Variants in CAPN13 observed in about 807,000 individuals in gnomAD.
CAPN13 encodes the protein calpain-13.
Under a neutral mutation model 98.4 loss-of-function variants are expected in CAPN13, and 90 were observed. The observed-to-expected ratio is 0.92, with a 90% CI of 0.77 to 1.09. The LOEUF (loss-of-function observed/expected upper bound fraction) is 1.09. Among genes scored for constraint, CAPN13 ranks in the 50% least tolerant of loss-of-function variants. The probability of loss-of-function intolerance (pLI) is 0.00; values close to 1 mark genes in which losing one functional copy is unlikely to be tolerated. For synonymous variants in CAPN13, 330 were observed against 305.5 expected (o/e 1.08, Z -0.84); for missense variants, 887 against 841.3 (o/e 1.05, Z -0.67).
intron 1 of CAPN13, among the ~76,000 whole-genome samples, chr2:30,802,162 T>C (rs1395327920): frequency 2.6e-5 from 4 of 151,834 alleles, no homozygotes; most frequent in African/African-American, 7.3e-5. Context: ...GGAGCTCTGG[T>C]TGGGGGGTGG....
intron 9 of CAPN13, among the ~76,000 whole-genome samples, chr2:30,754,017 G>C (rs114993662): frequency 3.0e-4 from 46 of 152,282 alleles, no homozygotes; most frequent in African/African-American, 1.1e-3. Context: ...GGAAACCACA[G>C]ATTTCAAGCC....
At chr2:30,768,076 T>G (rs1313661422) in intron 5 of CAPN13, among the ~76,000 whole-genome samples, 1 of 152,222 alleles carries the variant, frequency 6.6e-6, no homozygotes, top group Non-Finnish European at 1.5e-5. Context: ...CTGCTAGCAA[T>G]GATCCCCAGC....
At chr2:30,788,277 A>G (rs933496313) in intron 1 of CAPN13, among the ~76,000 whole-genome samples, 3 of 152,234 alleles carry the variant, frequency 2.0e-5, no homozygotes, top group African/African-American at 7.2e-5. Flanking sequence ...ATGATATTAA[A>G]TAAGTTTTGA....
intron 22 of CAPN13, among the ~76,000 whole-genome samples, chr2:30,730,380 A>G (rs575781830): frequency 6.6e-6 from 1 of 152,298 alleles, no homozygotes; most frequent in Non-Finnish European, 1.5e-5. Flanking sequence ...GACCATTTCT[A>G]CCATTTCTGT....
chr2:30,776,411 C>T (rs916452186), intron 3 of CAPN13, among the ~76,000 whole-genome samples: 1 of 152,098 alleles, frequency 6.6e-6, no homozygotes, highest in Non-Finnish European at 1.5e-5. Flanking sequence ...CAGGGTTTCA[C>T]CATGTTGGCC....
intron 8 of CAPN13, among the ~76,000 whole-genome samples, chr2:30,755,581 G>A (rs915718562): frequency 1.4e-4 from 21 of 152,100 alleles, no homozygotes; most frequent in African/African-American, 4.8e-4. Context: ...GAAGGGAGCA[G>A]CTGCTCCTTC....
intron 1 of CAPN13, among the ~76,000 whole-genome samples, chr2:30,796,643 C>T (rs1307187710): frequency 6.6e-6 from 1 of 152,070 alleles, no homozygotes; most frequent in Non-Finnish European, 1.5e-5. Flanking sequence ...GACTTCAAAA[C>T]CAAGAAGATG....
intron 7 of CAPN13, among the ~76,000 whole-genome samples, chr2:30,761,389 C>T (rs919544851): frequency 4.7e-4 from 72 of 152,296 alleles, no homozygotes; most frequent in African/African-American, 1.7e-3. Flanking sequence ...GGAGCCCAAA[C>T]GGCAGCTGAG....
At chr2:30,740,353 A>G (rs1223894339) in intron 15 of CAPN13, among the ~76,000 whole-genome samples, 4 of 152,194 alleles carry the variant, frequency 2.6e-5, no homozygotes, top group Non-Finnish European at 5.9e-5. Flanking sequence ...TTGGCCTGCC[A>G]AAGTGCTGGG....
chr2:30,728,029 C>A (rs768531124), intron 22 of CAPN13, among the ~76,000 whole-genome samples: 12 of 151,620 alleles, frequency 7.9e-5, no homozygotes, highest in Non-Finnish European at 1.8e-4. Flanking sequence ...GACAGCATTA[C>A]GCTAAGTGAA....
rs142664237 is a variant in CAPN13 at position 30,742,240 on chromosome 2, C to T, written c.1479+86G>A. ...CTCTCTTTTCATTGGTTGGGGGCAG[C>T]GGGAGGTGTAAAGAAGGAGACGGAA... On this transcript the variant is annotated intron_variant, in intron 14 of 22. Transcript: ENST00000295055. 1,401 of 1,430,086 alleles carry T rather than the reference C, an allele frequency of 9.8e-4. 15 individuals are homozygous for T. In the African/African-American group the frequency reaches 0.016, roughly 16 times the overall value. 88.6% of individuals were successfully genotyped at this position (1,430,086 alleles called of 1,614,324 possible). A position where few individuals can be genotyped will look rare whatever the true frequency, so the allele number is the denominator to read the frequency against.
At chr2:30,723,557 G>C (rs1212143242) in intron 22 of CAPN13, among the ~76,000 whole-genome samples, 2 of 152,050 alleles carry the variant, frequency 1.3e-5, no homozygotes, top group Non-Finnish European at 2.9e-5. Flanking sequence ...AAACTTGGGG[G>C]AGAGATGTTC....
At chr2:30,742,382 G>T in intron 13 of CAPN13, 23 bp from the exon 14 acceptor site, 2 of 1,599,054 alleles carry the variant, frequency 1.3e-6, no homozygotes, top group South Asian at 2.3e-5. Context: ...AGGACAGTGT[G>T]ACAAAGATGA....
intron 10 of CAPN13, among the ~76,000 whole-genome samples, chr2:30,752,731 C>T (rs759027008): frequency 2.6e-5 from 4 of 152,178 alleles, no homozygotes; most frequent in Admixed American, 6.5e-5. Context: ...CTTTCTGCAG[C>T]GCTCTCCCTT....
chr2:30,797,227 G>A (rs531722543), intron 1 of CAPN13, among the ~76,000 whole-genome samples: 1 of 152,126 alleles, frequency 6.6e-6, no homozygotes, highest in Non-Finnish European at 1.5e-5. Flanking sequence ...TGCTGTAAGA[G>A]AGCAGATATT....
intron 11 of CAPN13, among the ~76,000 whole-genome samples, chr2:30,750,487 G>C (rs548820038): frequency 2.6e-5 from 4 of 152,154 alleles, no homozygotes; most frequent in African/African-American, 9.6e-5. Context: ...TGAAAGGAGA[G>C]AGAGCCTAGG....
intron 19 of CAPN13, among the ~76,000 whole-genome samples, chr2:30,733,876 C>A (rs771630595): frequency 6.6e-6 from 1 of 152,202 alleles, no homozygotes; most frequent in Non-Finnish European, 1.5e-5. Context: ...GTAATGATTC[C>A]TGCCCTTCCC....
chr2:30,760,304 T>G (rs1672778200), intron 7 of CAPN13, among the ~76,000 whole-genome samples: 1 of 152,304 alleles, frequency 6.6e-6, no homozygotes, highest in Admixed American at 6.5e-5. Flanking sequence ...CCAGGATGGA[T>G]ACGCAGTTTA....
intron 17 of CAPN13, chr2:30,737,937 A>G: frequency 2.4e-6 from 1 of 412,936 alleles, no homozygotes; most frequent in East Asian, 4.8e-5. Context: ...ACTTTTTTGT[A>G]TCAGAGGGAT....
Sources: allele counts gnomAD v4.1 joint callset (sites outside exome capture counted in the v4.1 genomes callset), GRCh38; gene constraint gnomAD v4.1.1; transcripts MANE v1.5; gene names NCBI Gene and HGNC (gene_info 2026-07-23, HGNC 2026-07-21).